Variants in GRAMD4 observed in about 807,000 individuals in gnomAD.
GRAMD4 encodes the protein GRAM domain containing 4, also known as GRAM domain-containing protein 4.
In GRAMD4, 25 loss-of-function variants were observed where a neutral mutation model predicts 83.9. The observed-to-expected ratio is 0.30, with a 90% CI of 0.22 to 0.42. The LOEUF (loss-of-function observed/expected upper bound fraction) is 0.42. GRAMD4 is among the 10% of genes least tolerant of loss of function. The pLI is 1.00. For missense variants in GRAMD4, 593 were observed against 788.7 expected, an observed-to-expected ratio of 0.75 and a Z score of 2.97; for synonymous variants, 336 against 320.9, an observed-to-expected ratio of 1.05 and a Z score of -0.50.
rs752106986 is a variant in GRAMD4, at chr22:46,663,184, C to T, written c.599+12C>T. On this transcript the variant is annotated intron_variant, in intron 6 of 18. Coordinates refer to ENST00000406902, the MANE Select transcript of GRAMD4 (RefSeq NM_015124.5). ...CTGAGCGCCCGCAGGTAGGGGTTCG[C>T]CGAGCTGGGGCTGCCTGTGCGTTAG... The T allele has an allele frequency of 1.2e-6, 2 of 1,607,678 alleles. No homozygotes were observed. The highest frequency in any genetic ancestry group is 2.2e-5 in the East Asian group (1 of 44,744).
chr22:46,679,688 C>T lies in GRAMD4; in HGVS notation c.*2437C>T. 1.0e-6 allele frequency: 1 copy of T among 978,048 alleles called. No individual in the cohort carries two copies. The highest frequency in any genetic ancestry group is 1.2e-6 in the Non-Finnish European group (1 of 823,044). The allele number at this position is 978,048 out of a possible 1,614,324, so 60.6% of individuals were successfully genotyped here. A position where few individuals can be genotyped will look rare whatever the true frequency, so the allele number is the denominator to read the frequency against. On this transcript the variant is annotated 3_prime_UTR_variant, in exon 19 of 19. Transcript: ENST00000406902. Reference sequence around the variant, plus strand: ...ATTAAGAACCGATGAAAAAAATTCTCCTGTAACATTTTTTTAAGAAAACTT... The same window carrying T: ...ATTAAGAACCGATGAAAAAAATTCTTCTGTAACATTTTTTTAAGAAAACTT...
At chr22:46,663,798 G>A (rs2082367057) in intron 6 of GRAMD4, 40 bp from the exon 7 acceptor site, 3 of 1,607,664 alleles carry the variant, frequency 1.9e-6, no homozygotes, top group Non-Finnish European at 2.6e-6. Context: ...GCCGGCGGGT[G>A]CATTAACCCT....
At chr22:46,639,304 C>T (rs942595404) in intron 3 of GRAMD4, among the ~76,000 whole-genome samples, 2 of 151,686 alleles carry the variant, frequency 1.3e-5, no homozygotes, top group Admixed American at 6.6e-5. Flanking sequence ...CTGTGTGCAG[C>T]GGTGGTTAAC....
chr22:46,645,027 T>A (rs1326401201), intron 3 of GRAMD4, among the ~76,000 whole-genome samples: 2 of 148,658 alleles, frequency 1.3e-5, no homozygotes, highest in Admixed American at 1.4e-4. Context: ...ATTACAGGCG[T>A]GAGCCACTGT....
At position 46,678,386 on chromosome 22, in the gene GRAMD4, G is replaced by A; in HGVS notation, c.*1135G>A. 2.0e-6 allele frequency: 2 copies of A among 984,982 alleles called. No individual in the cohort carries two copies. The highest frequency in any genetic ancestry group is 2.4e-6 in the Non-Finnish European group (2 of 829,532). 61.0% of individuals were successfully genotyped at this position (984,982 alleles called of 1,614,324 possible). ...GCGTGCCTAGCCGGTGCCGGTCCGG[G>A]CACAGACCCCCCCAGCCCCCGCCCT... On this transcript the variant is annotated 3_prime_UTR_variant, in exon 19 of 19. Transcript: ENST00000406902.
intron 14 of GRAMD4, among the ~76,000 whole-genome samples, chr22:46,673,452 G>T (rs13054124): frequency 6.6e-6 from 1 of 152,224 alleles, no homozygotes; most frequent in South Asian, 2.1e-4. Flanking sequence ...TGCTCCCTTC[G>T]GGGTGGCTCA....
At chr22:46,612,458 C>T (rs1484322476) in intron 1 of GRAMD4, among the ~76,000 whole-genome samples, 1 of 152,152 alleles carries the variant, frequency 6.6e-6, no homozygotes, top group Non-Finnish European at 1.5e-5. Context: ...GGCTCAGGTG[C>T]GCGGGAGGCC....
At chr22:46,612,550 T>G (rs1050376245) in intron 1 of GRAMD4, among the ~76,000 whole-genome samples, 4 of 152,198 alleles carry the variant, frequency 2.6e-5, no homozygotes, top group African/African-American at 9.6e-5. Context: ...TGAGGCTTCC[T>G]CTCAAGGCCC....
intron 1 of GRAMD4, among the ~76,000 whole-genome samples, chr22:46,604,157 C>G (rs2081343080): frequency 6.6e-6 from 1 of 152,214 alleles, no homozygotes; most frequent in Admixed American, 6.5e-5. Flanking sequence ...ATGCTTTGAA[C>G]TCCGCTGCTG....
At chr22:46,596,642 C>T (rs1032740200) in intron 1 of GRAMD4, among the ~76,000 whole-genome samples, 1 of 152,188 alleles carries the variant, frequency 6.6e-6, no homozygotes, top group Non-Finnish European at 1.5e-5. Flanking sequence ...CCTCCATCCC[C>T]ATAGTTCAAG....
chr22:46,582,800 C>G (rs1227417720), intron 1 of GRAMD4, among the ~76,000 whole-genome samples: 1 of 152,232 alleles, frequency 6.6e-6, no homozygotes, highest in Non-Finnish European at 1.5e-5. Context: ...AGTTCACGGA[C>G]TTCTAGTACA....
At chr22:46,627,010 T>A (rs375202241) in intron 2 of GRAMD4, 49 bp downstream of exon 2, 6 of 1,372,668 alleles carry the variant, frequency 4.4e-6, no homozygotes, top group Non-Finnish European at 6.2e-6. Context: ...GTCGTCCCCG[T>A]CCTCTGTGGC....
intron 1 of GRAMD4, among the ~76,000 whole-genome samples, chr22:46,589,354 G>T (rs1419297634): frequency 7.0e-6 from 1 of 143,848 alleles, no homozygotes; most frequent in Non-Finnish European, 1.5e-5. Flanking sequence ...TCTGATATGT[G>T]GGGGAGTCCT....
intron 3 of GRAMD4, among the ~76,000 whole-genome samples, chr22:46,654,946 A>T (rs2147309595): frequency 6.6e-6 from 1 of 152,312 alleles, no homozygotes; most frequent in Middle Eastern, 3.4e-3. Flanking sequence ...CAGCACACGG[A>T]GTGGGAATCA....
rs61391783 is a variant in GRAMD4 at position 46,643,084 on chromosome 22, TATCCATCCATCC to T, written c.283+5151_283+5162del. 8.5e-3 allele frequency among the ~76,000 whole-genome samples: 648 copies of T among 76,386 alleles called. 4 individuals carry two copies. The highest frequency in any genetic ancestry group is 0.039 in the African/African-American group (602 of 15,252). 50.1% of individuals were successfully genotyped at this position (76,386 alleles called of 152,430 possible). ...CTACCCATCCATCCATCTATCCATTTATCCATCCATCCATCCATCCATCCATCCATCCATCCA... is the reference window on the plus strand; with the variant it reads ...CTACCCATCCATCCATCTATCCATTTATCCATCCATCCATCCATCCATCCA... On this transcript the variant is annotated intron_variant, in intron 3 of 18. Transcript: ENST00000406902.
chr22:46,608,666 C>T (rs1158616213), intron 1 of GRAMD4, among the ~76,000 whole-genome samples: 4 of 151,918 alleles, frequency 2.6e-5, no homozygotes, highest in Non-Finnish European at 5.9e-5. Flanking sequence ...GCGACAAGAG[C>T]GAAATTCCGT....
At chr22:46,674,891 C>A in intron 16 of GRAMD4, 141 bp downstream of exon 16, 1 of 676,838 alleles carries the variant, frequency 1.5e-6, no homozygotes, top group Admixed American at 2.2e-5. Flanking sequence ...CTCTTGCCGG[C>A]TGTCTGGGCT....
chr22:46,679,560 C>G lies in GRAMD4; in HGVS notation c.*2309C>G, dbSNP rs1401818614. On this transcript the variant is annotated 3_prime_UTR_variant, in exon 19 of 19. Coordinates refer to ENST00000406902, the MANE Select transcript of GRAMD4 (RefSeq NM_015124.5). ...TTAATTTCTGTGACTAATCACTGAA[C>G]TAGACGAATGTTAAATTTTTTATGT... is the stretch of plus-strand genomic sequence containing the variant. 7 of 984,858 alleles carry G rather than the reference C, an allele frequency of 7.1e-6. No homozygotes were observed. Among genetic ancestry groups the G allele is most frequent in the Non-Finnish European group, 8.4e-6 (7 of 829,326 alleles). The allele number at this position is 984,858 out of a possible 1,614,324, so 61.0% of individuals were successfully genotyped here.
chr22:46,582,765 T>G (rs1325731244), intron 1 of GRAMD4, among the ~76,000 whole-genome samples: 1 of 152,212 alleles, frequency 6.6e-6, no homozygotes, highest in East Asian at 1.9e-4. Context: ...TCACACATCA[T>G]ACAACACACT....
Sources: gnomAD v4.1 joint callset for allele counts (sites outside exome capture counted in the v4.1 genomes callset) on GRCh38, gnomAD v4.1.1 for gene constraint, MANE v1.5 for transcripts, NCBI Gene and HGNC (gene_info 2026-07-23, HGNC 2026-07-21) for gene names.